Variants in EXT1 observed in about 807,000 individuals in gnomAD.
The protein encoded by EXT1 is exostosin-1.
Under a neutral mutation model 82.5 loss-of-function variants are expected in EXT1, and 20 were observed. The ratio of observed to expected loss-of-function variants is 0.24; its 90% CI spans 0.17 to 0.35. The LOEUF is 0.35. EXT1 is among the 10% of genes least tolerant of loss of function. EXT1 has a pLI of 1.00. For missense variants in EXT1, 757 were observed against 936.5 expected (o/e 0.81, Z 2.50); for synonymous variants, 348 against 350.8 (o/e 0.99, Z 0.09).
intron 1 of EXT1, among the ~76,000 whole-genome samples, chr8:117,862,992 G>C (rs1812710953): frequency 6.6e-6 from 1 of 152,142 alleles, no homozygotes. Context: ...TGGTGGAGGT[G>C]TTGGCAGAGG....
chr8:117,907,537 C>T (rs1052708294), intron 1 of EXT1, among the ~76,000 whole-genome samples: 5 of 152,162 alleles, frequency 3.3e-5, no homozygotes, highest in Non-Finnish European at 5.9e-5. Context: ...GTTGAGCACG[C>T]TAACACTTTC....
At chr8:117,996,449 T>C (rs933300172) in intron 1 of EXT1, among the ~76,000 whole-genome samples, 8 of 152,218 alleles carry the variant, frequency 5.3e-5, no homozygotes, top group Non-Finnish European at 7.3e-5. Context: ...AGATATAGCA[T>C]ATTTTCATCA....
At chr8:118,069,679 G>A (rs1586375346) in intron 1 of EXT1, among the ~76,000 whole-genome samples, 1 of 152,200 alleles carries the variant, frequency 6.6e-6, no homozygotes, top group East Asian at 1.9e-4. Flanking sequence ...CACACCACAG[G>A]TTAAAGGATA....
At chr8:118,027,145 G>A (rs1816217082) in intron 1 of EXT1, among the ~76,000 whole-genome samples, 1 of 152,136 alleles carries the variant, frequency 6.6e-6, no homozygotes, top group Non-Finnish European at 1.5e-5. Context: ...TTACTTTTTA[G>A]AGAAATTGCA....
intron 1 of EXT1, among the ~76,000 whole-genome samples, chr8:117,863,411 GTTTTTTTT>G (rs10624775): frequency 0.15 from 19,570 of 131,864 alleles, 1,839 homozygotes; most frequent in Non-Finnish European, 0.19. Context: ...CTAAGTCTAG[GTTTTTTTT>G]TTTTTTTGGC....
intron 1 of EXT1, among the ~76,000 whole-genome samples, chr8:117,999,589 A>G (rs1407384752): frequency 6.6e-6 from 1 of 152,186 alleles, no homozygotes; most frequent in African/African-American, 2.4e-5. Flanking sequence ...AAAAGCACAT[A>G]AATTTTGAAT....
At chr8:117,880,117 T>C (rs1813035475) in intron 1 of EXT1, among the ~76,000 whole-genome samples, 1 of 152,116 alleles carries the variant, frequency 6.6e-6, no homozygotes, top group Non-Finnish European at 1.5e-5. Flanking sequence ...AAACAATAAA[T>C]ACCATTCTAC....
intron 1 of EXT1, among the ~76,000 whole-genome samples, chr8:117,962,855 G>A (rs955127392): frequency 6.6e-6 from 1 of 151,302 alleles, no homozygotes; most frequent in Non-Finnish European, 1.5e-5. Context: ...GAGCCCAGGA[G>A]TTCAAGGCTG....
chr8:118,090,000 G>C, intron 1 of EXT1, among the ~76,000 whole-genome samples: 1 of 152,214 alleles, frequency 6.6e-6, no homozygotes, highest in Non-Finnish European at 1.5e-5. Flanking sequence ...AAGTACCTCC[G>C]ATGGTCCCTT....
chr8:117,834,704 A>C (rs1812156519), intron 3 of EXT1, among the ~76,000 whole-genome samples: 1 of 152,180 alleles, frequency 6.6e-6, no homozygotes, highest in Non-Finnish European at 1.5e-5. Flanking sequence ...AAAAAATTCT[A>C]CAAATATTTG....
intron 1 of EXT1, among the ~76,000 whole-genome samples, chr8:117,954,170 CGACT>C (rs1563611857): frequency 6.6e-6 from 1 of 152,166 alleles, no homozygotes; most frequent in Non-Finnish European, 1.5e-5. Context: ...GCTTGACCCG[CGACT>C]AATGGAAGCC....
At chr8:118,000,726 C>A (rs1000004603) in intron 1 of EXT1, among the ~76,000 whole-genome samples, 2 of 152,304 alleles carry the variant, frequency 1.3e-5, no homozygotes, top group African/African-American at 4.8e-5. Flanking sequence ...TGTCTTCTTG[C>A]AATTCCCTAG....
At chr8:118,073,705 A>G (rs2447543) in intron 1 of EXT1, among the ~76,000 whole-genome samples, 11,711 of 102,010 alleles carry the variant, frequency 0.11, 1,088 homozygotes, top group African/African-American at 0.21. Context: ...AAGAGAAGAG[A>G]AGCCTCTTAA....
At chr8:117,926,189 TG>T (rs1405509720) in intron 1 of EXT1, among the ~76,000 whole-genome samples, 1 of 152,230 alleles carries the variant, frequency 6.6e-6, no homozygotes, top group Non-Finnish European at 1.5e-5. Context: ...GCAAGTGTCA[TG>T]GGGAACTTTG....
In EXT1 at chr8:117,807,258, G is replaced by A. The variant is rs570598934; in HGVS notation, c.1842C>T (p.Asn614=). 12 of 1,614,170 alleles carry A rather than the reference G, an allele frequency of 7.4e-6. No homozygotes were observed. The East Asian group carries it at 8.9e-5, about 12-fold the overall frequency. The part of the protein sequence containing the change: ...ERWGYTSKWT[N]DYSMVLTGAA... ...CTCCTGTCAACACCATGGAGTAGTC[G>A]TTCGTCCACTTTGATGTGTATCCCC... Residue 614 remains asparagine (N), a synonymous_variant, in exon 9 of 11, where the codon AAC becomes AAT. Coordinates refer to ENST00000378204, the MANE Select transcript of EXT1 (RefSeq NM_000127.3).
At chr8:118,051,197 C>T (rs995490040) in intron 1 of EXT1, among the ~76,000 whole-genome samples, 16 of 151,972 alleles carry the variant, frequency 1.1e-4, no homozygotes, top group Non-Finnish European at 1.9e-4. Flanking sequence ...ATTGACAGGG[C>T]ACGGTGGCAT....
intron 1 of EXT1, among the ~76,000 whole-genome samples, chr8:117,908,740 T>G (rs1199268642): frequency 6.6e-6 from 1 of 152,190 alleles, no homozygotes; most frequent in Admixed American, 6.5e-5. Flanking sequence ...AGGAAATCGT[T>G]ATTAGCCCCA....
intron 3 of EXT1, among the ~76,000 whole-genome samples, chr8:117,834,598 C>G (rs1050341595): frequency 2.3e-5 from 3 of 132,646 alleles, no homozygotes; most frequent in Non-Finnish European, 4.8e-5. Context: ...GAGTGAGACT[C>G]CATCTCAAAA....
At chr8:118,106,115 G>T (rs761372021) in intron 1 of EXT1, among the ~76,000 whole-genome samples, 95 of 152,196 alleles carry the variant, frequency 6.2e-4, no homozygotes, top group Non-Finnish European at 1.3e-3. Context: ...TCAGCGGGAG[G>T]TGTGTGTCAG....
Sources: allele counts gnomAD v4.1 joint callset (sites outside exome capture counted in the v4.1 genomes callset), GRCh38; gene constraint gnomAD v4.1.1; transcripts MANE v1.5; gene names NCBI Gene and HGNC (gene_info 2026-07-23, HGNC 2026-07-21).